The following DENND1A variants were observed in gnomAD, a reference collection of about 807,000 sequenced individuals.
DENND1A encodes DENN domain containing 1A.
A neutral mutation model predicts 113.7 loss-of-function variants in DENND1A; 51 were observed. The ratio of observed to expected loss-of-function variants is 0.45; its 90% confidence interval spans 0.36 to 0.57. The LOEUF (loss-of-function observed/expected upper bound fraction) is 0.57, where lower values mean the gene tolerates loss of function less well. Ranked by LOEUF, DENND1A falls within the 20% of genes least tolerant of loss-of-function variation. DENND1A has a pLI of 0.00. For synonymous variants in DENND1A, 565 were observed against 570.8 expected (o/e 0.99, Z 0.14); for missense variants, 1,258 against 1,395.9 (o/e 0.90, Z 1.57).
At chr9:123,783,949 G>T (rs1044611898) in intron 3 of DENND1A, among the ~76,000 whole-genome samples, 3 of 152,208 alleles carry the variant, frequency 2.0e-5, no homozygotes. Flanking sequence ...AAAAGCTAAG[G>T]CTGAAGTGAC....
chr9:123,846,825 A>C (rs902316296), intron 2 of DENND1A, among the ~76,000 whole-genome samples: 3 of 152,254 alleles, frequency 2.0e-5, no homozygotes, highest in Non-Finnish European at 4.4e-5. Flanking sequence ...CACTAAATTT[A>C]CACTTAAAAA....
chr9:123,683,426 A>G (rs985177231), intron 5 of DENND1A, among the ~76,000 whole-genome samples: 2 of 152,212 alleles, frequency 1.3e-5, no homozygotes, highest in African/African-American at 4.8e-5. Flanking sequence ...TCAACTATGA[A>G]CTGTTATTAA....
Position 123,594,324 on chromosome 9 carries a change from C to T in DENND1A, c.766-11054G>A, listed in dbSNP as rs151200097. Among the ~76,000 whole-genome samples the T allele has an allele frequency of 1.1e-3, 166 of 152,276 alleles. 1 individual carries two copies. The highest frequency in any genetic ancestry group is 1.8e-3 in the Non-Finnish European group (121 of 68,036). ...CTGTTGTGTTTCTCCCACAGCCCAA[C>T]TCCTTACAAGTATCATTTAATGTAA... On this transcript the variant is annotated intron_variant, in intron 11 of 23. Transcript: ENST00000394215.
chr9:123,639,997 A>G (rs1021446645), intron 9 of DENND1A, among the ~76,000 whole-genome samples: 1 of 152,134 alleles, frequency 6.6e-6, no homozygotes, highest in African/African-American at 2.4e-5. Context: ...GGTCACAGCT[A>G]TTGGCAGAAC....
At position 123,411,034 on chromosome 9, in the gene DENND1A, T is replaced by A. The variant is rs1356418811; in HGVS notation, c.1542+742A>T. On this transcript the variant is annotated intron_variant, in intron 20 of 23. Coordinates refer to ENST00000394215, the MANE Select transcript of DENND1A (RefSeq NM_001352964.2). ...GGATCTCTCTCGCCCTCCCACCCCATTCCCAGGTGGTGGTGGGTTTATCAC... is the reference window on the plus strand; with the variant it reads ...GGATCTCTCTCGCCCTCCCACCCCAATCCCAGGTGGTGGTGGGTTTATCAC... Among the ~76,000 whole-genome samples, 11 of 151,948 alleles carry A rather than the reference T, an allele frequency of 7.2e-5. No homozygotes were observed. The South Asian group carries it at 2.3e-3, about 32-fold the overall frequency.
chr9:123,620,295 C>G (rs1172806206), intron 10 of DENND1A, among the ~76,000 whole-genome samples: 1 of 150,984 alleles, frequency 6.6e-6, no homozygotes, highest in East Asian at 1.9e-4. Context: ...CTACAAGGCT[C>G]TTGGCACATT....
intron 3 of DENND1A, among the ~76,000 whole-genome samples, chr9:123,782,787 G>A (rs1387950304): frequency 2.0e-5 from 3 of 152,150 alleles, no homozygotes; most frequent in Non-Finnish European, 4.4e-5. Context: ...CACAATTTAT[G>A]TAAATAATCT....
intron 1 of DENND1A, among the ~76,000 whole-genome samples, chr9:123,922,070 C>A (rs1042456434): frequency 6.6e-6 from 1 of 152,004 alleles, no homozygotes; most frequent in African/African-American, 2.4e-5. Context: ...GTAGCTGGGA[C>A]CACAGATACA....
chr9:123,824,334 C>G (rs1178145681), intron 2 of DENND1A, among the ~76,000 whole-genome samples: 1 of 152,198 alleles, frequency 6.6e-6, no homozygotes, highest in Non-Finnish European at 1.5e-5. Flanking sequence ...AACTCGCAAT[C>G]ACTTGCCAAC....
At chr9:123,415,189 A>G (rs1337611096) in intron 19 of DENND1A, among the ~76,000 whole-genome samples, 5 of 152,142 alleles carry the variant, frequency 3.3e-5, no homozygotes, top group Admixed American at 1.3e-4. Flanking sequence ...ATAAAACCCA[A>G]CAACGGCAAC....
chr9:123,616,731 A>G (rs1467113742), intron 10 of DENND1A, among the ~76,000 whole-genome samples: 1 of 152,226 alleles, frequency 6.6e-6, no homozygotes, highest in Non-Finnish European at 1.5e-5. Flanking sequence ...AAAATAAACC[A>G]GCCACCCAGG....
chr9:123,841,340 T>A (rs1301093457), intron 2 of DENND1A, among the ~76,000 whole-genome samples: 2 of 152,210 alleles, frequency 1.3e-5, no homozygotes, highest in Admixed American at 6.5e-5. Flanking sequence ...CTAATCACAG[T>A]TATTTTAAAT....
intron 8 of DENND1A, among the ~76,000 whole-genome samples, chr9:123,656,496 G>A (rs994319586): frequency 3.5e-5 from 5 of 141,222 alleles, no homozygotes; most frequent in African/African-American, 1.3e-4. Context: ...TATCCATAAA[G>A]TAGAATCACA....
At chr9:123,581,632 A>C (rs1402156112) in intron 12 of DENND1A, among the ~76,000 whole-genome samples, 1 of 152,112 alleles carries the variant, frequency 6.6e-6, no homozygotes, top group Non-Finnish European at 1.5e-5. Context: ...TTCAAAAAAA[A>C]AAAAAGAAAG....
intron 6 of DENND1A, among the ~76,000 whole-genome samples, chr9:123,674,711 G>C (rs887904801): frequency 1.8e-4 from 28 of 152,136 alleles, no homozygotes; most frequent in African/African-American, 6.0e-4. Flanking sequence ...CAGAGGAAAG[G>C]TTCACCAGTT....
intron 19 of DENND1A, among the ~76,000 whole-genome samples, chr9:123,419,592 G>A (rs2045061026): frequency 6.6e-6 from 1 of 152,240 alleles, no homozygotes; most frequent in African/African-American, 2.4e-5. Context: ...CGGTTGGGAG[G>A]GAAGACAAAG....
chr9:123,420,483 C>T (rs539477377), intron 19 of DENND1A, among the ~76,000 whole-genome samples: 6 of 152,216 alleles, frequency 3.9e-5, no homozygotes, highest in Non-Finnish European at 7.4e-5. Flanking sequence ...GCACCTGCCG[C>T]GGGGTCTCAC....
chr9:123,705,240 T>C (rs990776179), intron 5 of DENND1A, among the ~76,000 whole-genome samples: 4 of 152,158 alleles, frequency 2.6e-5, no homozygotes, highest in African/African-American at 9.7e-5. Flanking sequence ...ATTTACGACT[T>C]ATTGGAGAAA....
intron 18 of DENND1A, among the ~76,000 whole-genome samples, chr9:123,446,061 C>T (rs6478616): frequency 1 from 151,837 of 152,312 alleles, 75,685 homozygotes; most frequent in Middle Eastern, 1. Flanking sequence ...ACATAGTTAA[C>T]ATCCTACACA....
Sources: allele counts gnomAD v4.1 joint callset (sites outside exome capture counted in the v4.1 genomes callset), GRCh38; gene constraint gnomAD v4.1.1; transcripts MANE v1.5; gene names NCBI Gene and HGNC (gene_info 2026-07-23, HGNC 2026-07-21).